CNMD: variants seen among roughly 807,000 people sequenced by gnomAD.
CNMD encodes the protein leukocyte cell-derived chemotaxin 1.
Under a neutral mutation model 37.5 loss-of-function variants are expected in CNMD, and 30 were observed. That is an observed-to-expected ratio of 0.80 (90% CI 0.60 to 1.09). CNMD has a LOEUF of 1.09. Among genes scored for constraint, CNMD ranks in the 50% least tolerant of loss-of-function variants. CNMD has a pLI of 0.00. For missense variants in CNMD, 398 were observed against 423.9 expected (o/e 0.94, Z 0.54); for synonymous variants, 167 against 148.2 (o/e 1.13, Z -0.92).
At chr13:52,731,909 T>C (rs1964677852) in intron 3 of CNMD, among the ~76,000 whole-genome samples, 1 of 152,252 alleles carries the variant, frequency 6.6e-6, no homozygotes, top group African/African-American at 2.4e-5. Context: ...AGAGAAATTA[T>C]ACTTGTGCAT....
At chr13:52,708,065 C>A (rs1395392732) in intron 6 of CNMD, among the ~76,000 whole-genome samples, 1 of 151,728 alleles carries the variant, frequency 6.6e-6, no homozygotes, top group East Asian at 1.9e-4. Context: ...GGCAGTGAAA[C>A]AACAACAAAA....
At chr13:52,736,365 G>C (rs562768132) in intron 2 of CNMD, among the ~76,000 whole-genome samples, 3 of 152,272 alleles carry the variant, frequency 2.0e-5, no homozygotes, top group Admixed American at 6.5e-5. Context: ...CTGACCTCAA[G>C]TGATCCTCCT....
At chr13:52,716,308 C>T (rs902602724) in intron 4 of CNMD, among the ~76,000 whole-genome samples, 7 of 152,136 alleles carry the variant, frequency 4.6e-5, no homozygotes, top group East Asian at 1.9e-4. Context: ...TGCCTCTTCA[C>T]GCTGATGATA....
In CNMD at chr13:52,739,688, G is replaced by C; in HGVS notation, c.14C>G (p.Ser5Cys). MTEN[S>C]DKVPIALVGP... is the part of the protein sequence containing the mutation. ...CACCAGGGCAATGGGAACTTTGTCG[G>C]AGTTCTCTGTCATGTTTGCGGCGGG... Residue 5 changes from serine (S) to cysteine (C), a missense_variant, in exon 1 of 7, where the codon TCC becomes TGC. By Grantham distance (112) the Ser-to-Cys change is moderately radical. Transcript: ENST00000377962. The surrounding 1 kb of genome is among the most constrained non-coding windows in gnomAD (Gnocchi z 5.4). The C allele has an allele frequency of 6.2e-7, 1 of 1,614,160 alleles. No homozygotes were observed. Among genetic ancestry groups the C allele is most frequent in the Non-Finnish European group, 8.5e-7 (1 of 1,179,988 alleles).
At chr13:52,706,409 T>C (rs1449210216) in intron 6 of CNMD, among the ~76,000 whole-genome samples, 2 of 152,212 alleles carry the variant, frequency 1.3e-5, no homozygotes, top group Non-Finnish European at 2.9e-5. Context: ...ATAGCTAATA[T>C]TGAGAAAGTT....
At chr13:52,717,809 T>A (rs1964415136) in intron 4 of CNMD, among the ~76,000 whole-genome samples, 1 of 152,202 alleles carries the variant, frequency 6.6e-6, no homozygotes, top group Non-Finnish European at 1.5e-5. Flanking sequence ...TTTTCTTTTT[T>A]TGTTGTGTCT....
chr13:52,711,269 C>T (rs1404853305), intron 5 of CNMD, among the ~76,000 whole-genome samples: 2 of 152,162 alleles, frequency 1.3e-5, no homozygotes, highest in East Asian at 1.9e-4. Context: ...TTGTCCTCAG[C>T]TGGAAAAGAT....
intron 4 of CNMD, among the ~76,000 whole-genome samples, chr13:52,716,861 G>C (rs1258208762): frequency 6.6e-6 from 1 of 152,132 alleles, no homozygotes; most frequent in Non-Finnish European, 1.5e-5. Flanking sequence ...GAAATTTAAA[G>C]TAGTTTTTTC....
Position 52,733,470 on chromosome 13 carries a change from A to G in CNMD, c.214-111T>C, listed in dbSNP as rs570772990. The G allele has an allele frequency of 1.4e-4, 119 of 871,620 alleles. No homozygotes were observed. The East Asian group carries it at 1.5e-3, about 11-fold the overall frequency. The allele number at this position is 871,620 out of a possible 1,614,324, so 54.0% of individuals were successfully genotyped here. Reference sequence around the variant, plus strand: ...TCCATATGTTTCAGAGATACATGAGATAGTCCTTAATAATAATACATTTAT... The same window carrying G: ...TCCATATGTTTCAGAGATACATGAGGTAGTCCTTAATAATAATACATTTAT... On this transcript the variant is annotated intron_variant, in intron 2 of 6. Coordinates refer to ENST00000377962, the MANE Select transcript of CNMD (RefSeq NM_007015.3).
intron 3 of CNMD, among the ~76,000 whole-genome samples, chr13:52,730,999 G>C (rs549483248): frequency 6.6e-6 from 1 of 152,152 alleles, no homozygotes; most frequent in South Asian, 2.1e-4. Context: ...CCCCAAGTTG[G>C]GCTGAACTGG....
intron 4 of CNMD, among the ~76,000 whole-genome samples, chr13:52,720,712 G>A (rs141651527): frequency 1.6e-4 from 24 of 152,272 alleles, no homozygotes; most frequent in East Asian, 7.7e-4. Context: ...GATGCCAGCC[G>A]GAGCTCTCCT....
chr13:52,734,581 T>G (rs975013380), intron 2 of CNMD, among the ~76,000 whole-genome samples: 4 of 151,956 alleles, frequency 2.6e-5, no homozygotes, highest in South Asian at 2.1e-4. Context: ...CTTTTTTTTT[T>G]GGATTTAGAT....
At chr13:52,726,904 A>G (rs1566228651) in intron 3 of CNMD, among the ~76,000 whole-genome samples, 1 of 152,192 alleles carries the variant, frequency 6.6e-6, no homozygotes, top group African/African-American at 2.4e-5. Flanking sequence ...TATATTATGA[A>G]AAAGAACGAA....
chr13:52,732,698 C>T (rs1272992957), intron 3 of CNMD, among the ~76,000 whole-genome samples: 2 of 152,158 alleles, frequency 1.3e-5, no homozygotes, highest in Admixed American at 6.5e-5. Context: ...ATTTAAATTT[C>T]AAATCTTGCA....
In CNMD at chr13:52,720,740, ATCCCTGCTGGGAGGTGTC is replaced by A. The variant is rs563129961; in HGVS notation, c.468+3239_468+3256del. ...GCTCTCCTGTATGAGGTATCTGTCA[ATCCCTGCTGGGAGGTGTC>A]TCCCAGTCAGGCACAGGGGGGTCAG... On this transcript the variant is annotated intron_variant, in intron 4 of 6. Transcript: ENST00000377962. Among the ~76,000 whole-genome samples, 276 of 152,204 alleles carry A rather than the reference ATCCCTGCTGGGAGGTGTC, an allele frequency of 1.8e-3. 2 individuals are homozygous for A. Among genetic ancestry groups the A allele is most frequent in the African/African-American group, 6.2e-3 (258 of 41,528 alleles).
At chr13:52,708,071 C>A (rs376900117) in intron 6 of CNMD, among the ~76,000 whole-genome samples, 59 of 151,884 alleles carry the variant, frequency 3.9e-4, no homozygotes, top group African/African-American at 1.4e-3. Context: ...GAAACAACAA[C>A]AAAAAAACAA....
intron 3 of CNMD, among the ~76,000 whole-genome samples, chr13:52,724,615 A>T (rs1437521337): frequency 6.6e-6 from 1 of 151,974 alleles, no homozygotes; most frequent in Non-Finnish European, 1.5e-5. Flanking sequence ...AAAAACAAAC[A>T]AAAACAGCCG....
At chr13:52,719,807 G>C (rs535420049) in intron 4 of CNMD, among the ~76,000 whole-genome samples, 1 of 152,186 alleles carries the variant, frequency 6.6e-6, no homozygotes, top group African/African-American at 2.4e-5. Flanking sequence ...ATGTGTCTTG[G>C]GGTTGCTCTT....
intron 6 of CNMD, among the ~76,000 whole-genome samples, chr13:52,707,271 A>G (rs1334288898): frequency 6.6e-6 from 1 of 152,228 alleles, no homozygotes; most frequent in Non-Finnish European, 1.5e-5. Flanking sequence ...ATAATGGTAA[A>G]TATTTTGTGG....
Sources: gnomAD v4.1 joint callset for allele counts (sites outside exome capture counted in the v4.1 genomes callset) on GRCh38, gnomAD v4.1.1 for gene constraint, Gnocchi (gnomAD v3.1) non-coding constraint, MANE v1.5 for transcripts, NCBI Gene and HGNC (gene_info 2026-07-23, HGNC 2026-07-21) for gene names.